EFR3B: variants seen among roughly 807,000 people sequenced by gnomAD.
EFR3B encodes the protein EFR3 homolog B.
A neutral mutation model predicts 104.7 loss-of-function variants in EFR3B; 64 were observed. That is an observed-to-expected ratio of 0.61 (90% confidence interval 0.50 to 0.75). The LOEUF (loss-of-function observed/expected upper bound fraction) is 0.75. Among genes scored for constraint, EFR3B ranks in the 30% least tolerant of loss-of-function variants. The pLI is 0.00. For missense variants in EFR3B, 750 were observed against 1,078.5 expected, an observed-to-expected ratio of 0.70 and a Z score of 4.27; for synonymous variants, 385 against 417.9, an observed-to-expected ratio of 0.92 and a Z score of 0.96.
rs933852203 is a variant in EFR3B at position 25,114,144 on chromosome 2, C to G, written c.364-7529C>G. Reference sequence around the variant, plus strand: ...ATAGGTGTGGTCCTTTGACCAGGGCCCCCGGGAAAAACCCCATCAGACCCT... The same window carrying G: ...ATAGGTGTGGTCCTTTGACCAGGGCGCCCGGGAAAAACCCCATCAGACCCT... On this transcript the variant is annotated intron_variant, in intron 4 of 22. Transcript: ENST00000403714. This position sits in a 1 kb window ranked among gnomAD's most constrained non-coding sequence, Gnocchi z 4.0. Among the ~76,000 whole-genome samples, 11 of 152,116 alleles carry G rather than the reference C, an allele frequency of 7.2e-5. No individual in the cohort carries two copies. Among genetic ancestry groups the G allele is most frequent in the Non-Finnish European group, 1.5e-4 (10 of 68,026 alleles).
chr2:25,074,932 T>A (rs1668594811), intron 1 of EFR3B, among the ~76,000 whole-genome samples: 1 of 152,154 alleles, frequency 6.6e-6, no homozygotes, highest in Non-Finnish European at 1.5e-5. Context: ...GCCAACTTTT[T>A]AAAAAACTTT....
chr2:25,103,549 A>G (rs913139468), intron 3 of EFR3B, 88 bp from the exon 4 acceptor site: 3 of 1,478,540 alleles, frequency 2.0e-6, no homozygotes, highest in African/African-American at 2.8e-5. Flanking sequence ...TGCATTGCCC[A>G]GGTCACCACA....
At chr2:25,113,303 G>A (rs566217268) in intron 4 of EFR3B, among the ~76,000 whole-genome samples, 18 of 152,192 alleles carry the variant, frequency 1.2e-4, no homozygotes, top group African/African-American at 2.4e-4. Flanking sequence ...ATTAGAACTC[G>A]CATTTTAATA....
At chr2:25,150,358 G>T (rs1186626625) in intron 20 of EFR3B, among the ~76,000 whole-genome samples, 1 of 151,490 alleles carries the variant, frequency 6.6e-6, no homozygotes, top group South Asian at 2.1e-4. Flanking sequence ...AGCAATTCGG[G>T]ATAAATTTTT....
intron 1 of EFR3B, among the ~76,000 whole-genome samples, chr2:25,045,777 C>A (rs1200929843): frequency 6.6e-6 from 1 of 151,046 alleles, no homozygotes. Context: ...GAGCGAGACT[C>A]CATCTCAAAA....
intron 1 of EFR3B, among the ~76,000 whole-genome samples, chr2:25,045,235 A>C (rs1471887967): frequency 2.0e-5 from 3 of 152,014 alleles, no homozygotes; most frequent in Non-Finnish European, 4.4e-5. Context: ...GCCAGTGCCA[A>C]GCCGCTGAGC....
intron 4 of EFR3B, among the ~76,000 whole-genome samples, chr2:25,117,108 C>A (rs1266819400): frequency 2.0e-5 from 3 of 152,108 alleles, no homozygotes; most frequent in African/African-American, 7.2e-5. Context: ...GTCTTGGTGT[C>A]CCCGTTCCAC....
In EFR3B at chr2:25,042,468, C is replaced by T. The variant is rs1667598664; in HGVS notation, c.7+149C>T. 1 of 1,207,226 alleles carries T rather than the reference C, an allele frequency of 8.3e-7. No individual in the cohort carries two copies. Among genetic ancestry groups the T allele is most frequent in the Non-Finnish European group, 1.0e-6 (1 of 972,334 alleles). 74.8% of individuals were successfully genotyped at this position (1,207,226 alleles called of 1,614,324 possible). A position where few individuals can be genotyped will look rare whatever the true frequency, so the allele number is the denominator to read the frequency against. On this transcript the variant is annotated intron_variant, in intron 1 of 22. Transcript: ENST00000403714. This position sits in a 1 kb window ranked among gnomAD's most constrained non-coding sequence, Gnocchi z 5.4. Reference sequence around the variant, plus strand: ...GGGGCTGTTGCGGTCGCTCTGTGCGCGCGCGTCTGCGCTGCGAGGACAAAG... The same window carrying T: ...GGGGCTGTTGCGGTCGCTCTGTGCGTGCGCGTCTGCGCTGCGAGGACAAAG...
At chr2:25,102,476 A>G (rs1275144535) in intron 3 of EFR3B, among the ~76,000 whole-genome samples, 1 of 152,080 alleles carries the variant, frequency 6.6e-6, no homozygotes, top group Admixed American at 6.6e-5. Context: ...AGCGAAAGTC[A>G]CCTCTTCACA....
At chr2:25,090,560 A>G (rs1337357028) in intron 1 of EFR3B, among the ~76,000 whole-genome samples, 1 of 152,188 alleles carries the variant, frequency 6.6e-6, no homozygotes, top group Non-Finnish European at 1.5e-5. Flanking sequence ...TCATTTTGCT[A>G]CAGATTGGTG....
intron 4 of EFR3B, among the ~76,000 whole-genome samples, chr2:25,111,438 C>T (rs1020943697): frequency 6.6e-6 from 1 of 152,112 alleles, no homozygotes; most frequent in South Asian, 2.1e-4. Flanking sequence ...CCCTTGTTCA[C>T]ACTCCCTTCA....
intron 20 of EFR3B, among the ~76,000 whole-genome samples, chr2:25,151,435 T>C (rs779698458): frequency 6.6e-6 from 1 of 152,020 alleles, no homozygotes; most frequent in African/African-American, 2.4e-5. Context: ...TTTGTATTTT[T>C]AGTAGAGAGG....
intron 1 of EFR3B, among the ~76,000 whole-genome samples, chr2:25,075,654 A>G (rs1245398725): frequency 2.6e-5 from 4 of 152,176 alleles, no homozygotes; most frequent in African/African-American, 9.7e-5. Context: ...CCTACCAACA[A>G]TATAAGGTAT....
At chr2:25,097,673 G>C (rs1388806864) in intron 3 of EFR3B, among the ~76,000 whole-genome samples, 1 of 152,142 alleles carries the variant, frequency 6.6e-6, no homozygotes. Context: ...ATCGTTCATG[G>C]GCATGCAATA....
chr2:25,155,106 T>C lies in EFR3B; in HGVS notation c.*766T>C, dbSNP rs1237516610. On this transcript the variant is annotated 3_prime_UTR_variant, in exon 23 of 23. Coordinates refer to ENST00000403714, the MANE Select transcript of EFR3B (RefSeq NM_014971.2). ...CCTGTCTGCTGGACGTTTTTCAGAG[T>C]TGGGTTCTCTCTCTTTGATGTCTTT... 6.6e-6 allele frequency: 1 copy of C among 152,338 alleles called. No individual in the cohort carries two copies. The highest frequency in any genetic ancestry group is 2.1e-4 in the South Asian group (1 of 4,812). 9.4% of individuals were successfully genotyped at this position (152,338 alleles called of 1,614,324 possible).
intron 1 of EFR3B, among the ~76,000 whole-genome samples, chr2:25,062,324 G>A (rs1668218973): frequency 6.6e-6 from 1 of 152,188 alleles, no homozygotes; most frequent in Non-Finnish European, 1.5e-5. Context: ...ACTTTGTGAG[G>A]GGATTAGCAA....
chr2:25,060,177 C>T (rs1668148974), intron 1 of EFR3B, among the ~76,000 whole-genome samples: 1 of 152,078 alleles, frequency 6.6e-6, no homozygotes, highest in Non-Finnish European at 1.5e-5. Context: ...GCCTGGGTGA[C>T]AGAGCGAGAC....
intron 4 of EFR3B, among the ~76,000 whole-genome samples, chr2:25,108,954 C>T (rs928651582): frequency 3.3e-5 from 5 of 151,742 alleles, no homozygotes; most frequent in South Asian, 2.1e-4. Context: ...TGCAGTGAGC[C>T]GAGATCGCTC....
intron 4 of EFR3B, among the ~76,000 whole-genome samples, chr2:25,119,746 A>C (rs1558609574): frequency 6.6e-6 from 1 of 152,232 alleles, no homozygotes. Context: ...TCAACAGAAA[A>C]TAGCTGTTGT....
Sources: allele counts gnomAD v4.1 joint callset (sites outside exome capture counted in the v4.1 genomes callset), GRCh38; gene constraint gnomAD v4.1.1; non-coding constraint Gnocchi (gnomAD v3.1); transcripts MANE v1.5; gene names NCBI Gene and HGNC (gene_info 2026-07-23, HGNC 2026-07-21).